Variants in NTM observed in about 807,000 individuals in gnomAD.
The protein encoded by NTM is neurotrimin.
In NTM, 13 loss-of-function variants were observed where a neutral mutation model predicts 42.1. The ratio of observed to expected loss-of-function variants is 0.31; its 90% CI spans 0.20 to 0.49. The LOEUF (loss-of-function observed/expected upper bound fraction) is 0.49, where lower values mean the gene tolerates loss of function less well. NTM is among the 20% of genes least tolerant of loss of function. NTM has a pLI of 0.99. For missense variants in NTM, 373 were observed against 452.8 expected, an observed-to-expected ratio of 0.82 and a Z score of 1.60; for synonymous variants, 187 against 179.2, an observed-to-expected ratio of 1.04 and a Z score of -0.35.
chr11:131,616,966 A>G (rs1469546574), intron 1 of NTM, among the ~76,000 whole-genome samples: 1 of 151,964 alleles, frequency 6.6e-6, no homozygotes, highest in Non-Finnish European at 1.5e-5. Flanking sequence ...GAGTTCTTAC[A>G]CCCCAGATGC....
At chr11:131,392,797 C>T (rs1218687658) in intron 1 of NTM, among the ~76,000 whole-genome samples, 1 of 152,186 alleles carries the variant, frequency 6.6e-6, no homozygotes, top group Non-Finnish European at 1.5e-5. Context: ...GTTGCTTTCT[C>T]TTGAGATCAG....
intron 1 of NTM, among the ~76,000 whole-genome samples, chr11:131,858,326 C>T (rs561684408): frequency 2.0e-5 from 3 of 152,084 alleles, no homozygotes; most frequent in Admixed American, 1.3e-4. Flanking sequence ...TCTCCTTACC[C>T]GCCCCCACCC....
At chr11:131,874,029 TAATATATATATATATATATATATATATA>T (rs2048205994) in intron 1 of NTM, among the ~76,000 whole-genome samples, 2 of 50,944 alleles carry the variant, frequency 3.9e-5, no homozygotes, top group Non-Finnish European at 8.6e-5. Flanking sequence ...TAATATAATA[TAATATATATATATATATATATATATATA>T]TATATATATA....
intron 4 of NTM, among the ~76,000 whole-genome samples, chr11:132,259,378 T>C (rs1243778621): frequency 6.6e-6 from 1 of 151,872 alleles, no homozygotes; most frequent in Admixed American, 6.6e-5. Context: ...CACTGCAGGG[T>C]CAGCTGTAAA....
chr11:131,752,750 T>C (rs1211992796), intron 1 of NTM, among the ~76,000 whole-genome samples: 1 of 151,120 alleles, frequency 6.6e-6, no homozygotes, highest in Admixed American at 6.6e-5. Context: ...TCAAGATTGA[T>C]TAAAGACTTA....
chr11:132,067,061 C>G (rs772674715), intron 2 of NTM, among the ~76,000 whole-genome samples: 5 of 152,130 alleles, frequency 3.3e-5, no homozygotes, highest in Non-Finnish European at 7.3e-5. Flanking sequence ...CTCAAGAGAT[C>G]CTCCTACCTC....
At chr11:131,678,520 T>C (rs2512901) in intron 1 of NTM, among the ~76,000 whole-genome samples, 112,876 of 152,204 alleles carry the variant, frequency 0.74, 42,029 homozygotes, top group East Asian at 0.8. Context: ...CCCTTCCTCC[T>C]GTACTCCCTC....
chr11:132,160,893 G>A (rs1031071483), intron 3 of NTM, among the ~76,000 whole-genome samples: 24 of 152,210 alleles, frequency 1.6e-4, no homozygotes, highest in African/African-American at 5.8e-4. Flanking sequence ...AGGAGGGTGA[G>A]AGGAGAGACC....
chr11:132,319,793 G>C (rs2095518408), intron 7 of NTM, among the ~76,000 whole-genome samples: 1 of 152,242 alleles, frequency 6.6e-6, no homozygotes, highest in Admixed American at 6.5e-5. Flanking sequence ...CATGCAGCTG[G>C]AGATCTGAGA....
intron 2 of NTM, among the ~76,000 whole-genome samples, chr11:132,113,619 G>A (rs1207676996): frequency 6.6e-6 from 1 of 152,178 alleles, no homozygotes; most frequent in Non-Finnish European, 1.5e-5. Flanking sequence ...GGATGTGAGA[G>A]GCACTCCCAG....
At chr11:132,165,682 G>T (rs1401643393) in intron 3 of NTM, among the ~76,000 whole-genome samples, 1 of 152,132 alleles carries the variant, frequency 6.6e-6, no homozygotes, top group Non-Finnish European at 1.5e-5. Context: ...AAAAGATGGG[G>T]CTTGAACCCT....
At chr11:131,903,881 A>C (rs890982209) in intron 1 of NTM, among the ~76,000 whole-genome samples, 15 of 152,202 alleles carry the variant, frequency 9.9e-5, no homozygotes, top group African/African-American at 3.6e-4. Context: ...GCAAAAGTGC[A>C]TTAACCCATT....
chr11:132,091,523 C>G lies in NTM; in HGVS notation c.168-54759C>G, dbSNP rs533558178. On this transcript the variant is annotated intron_variant, in intron 2 of 8. Transcript: ENST00000683400. The stretch of plus-strand genomic sequence containing the variant: ...TGAGACAAGGTCTCACTCTGTCACC[C>G]AGGCTGGAGTGCAGTGTGGTGATCA... 8.3e-4 allele frequency among the ~76,000 whole-genome samples: 126 copies of G among 152,208 alleles called. No homozygotes were observed. The Middle Eastern group carries it at 0.01, about 12-fold the overall frequency.
At chr11:131,818,761 C>T (rs1413438439) in intron 1 of NTM, among the ~76,000 whole-genome samples, 2 of 152,150 alleles carry the variant, frequency 1.3e-5, no homozygotes, top group African/African-American at 4.8e-5. Context: ...ACTTACCGAT[C>T]ATCTGAGTGT....
intron 1 of NTM, among the ~76,000 whole-genome samples, chr11:131,457,181 A>G (rs2136085874): frequency 6.6e-6 from 1 of 152,362 alleles, no homozygotes. Flanking sequence ...AGGCAAAACT[A>G]ACTAGCAAAC....
At chr11:131,965,965 G>A (rs2062784920) in intron 2 of NTM, among the ~76,000 whole-genome samples, 1 of 144,756 alleles carries the variant, frequency 6.9e-6, no homozygotes, top group African/African-American at 2.5e-5. Context: ...GAGGGAGGGA[G>A]GGAAGGGGGA....
chr11:131,577,662 C>T (rs931442214), intron 1 of NTM, among the ~76,000 whole-genome samples: 4 of 152,160 alleles, frequency 2.6e-5, no homozygotes, highest in African/African-American at 4.8e-5. Context: ...CTTCATATCC[C>T]GCGGTGGTGT....
chr11:131,533,903 C>A (rs1335838568), intron 1 of NTM: 1 of 152,204 alleles, frequency 6.6e-6, no homozygotes, highest in Non-Finnish European at 1.5e-5. Context: ...ATTTGAAGCC[C>A]CCTGTCCCAC....
intron 1 of NTM, among the ~76,000 whole-genome samples, chr11:131,605,184 T>C (rs1252153281): frequency 6.6e-6 from 1 of 152,210 alleles, no homozygotes; most frequent in Non-Finnish European, 1.5e-5. Context: ...CCAATCTATG[T>C]TCACAGAATG....
Sources: gnomAD v4.1 joint callset for allele counts (sites outside exome capture counted in the v4.1 genomes callset) on GRCh38, gnomAD v4.1.1 for gene constraint, MANE v1.5 for transcripts, NCBI Gene and HGNC (gene_info 2026-07-23, HGNC 2026-07-21) for gene names.